The following PDZD4 variants were observed in gnomAD, a reference collection of about 807,000 sequenced individuals.
PDZD4 encodes the protein PDZ domain containing 4.
A neutral mutation model predicts 38.5 loss-of-function variants in PDZD4; 9 were observed. The observed-to-expected ratio is 0.23, with a 90% confidence interval of 0.14 to 0.41. The LOEUF (loss-of-function observed/expected upper bound fraction) is 0.41. Among genes scored for constraint, PDZD4 ranks in the 10% least tolerant of loss-of-function variants. The probability of loss-of-function intolerance (pLI) is 1.00; values close to 1 mark genes in which losing one functional copy is unlikely to be tolerated. For synonymous variants in PDZD4, 349 were observed against 315.7 expected, an observed-to-expected ratio of 1.11 and a Z score of -1.12; for missense variants, 612 against 722.0, an observed-to-expected ratio of 0.85 and a Z score of 1.75.
intron 1 of PDZD4, 70 bp from the exon 2 acceptor site, chrX:153,808,665 G>A (rs1157841448): frequency 2.8e-6 from 3 of 1,063,689 alleles, no homozygotes; most frequent in African/African-American, 3.8e-5. Flanking sequence ...CAAGGCAGAG[G>A]CCCTAGCTGG....
chrX:153,807,928 G>C, intron 2 of PDZD4: 1 of 985,821 alleles, frequency 1.0e-6, no homozygotes, highest in Non-Finnish European at 1.3e-6. Flanking sequence ...TGGATGAAAG[G>C]CCCTTCTTCC....
Position 153,808,492 on chromosome X carries a change from C to T in PDZD4, c.164G>A (p.Arg55His), listed in dbSNP as rs781802189. ...GTGACAGGAGCTGTCCCCCCGGAGG[C>T]GGGGGCTGCGTCTCAGCACCTGGAT... Reference protein sequence around the residue: ...LVIQVLRRSPRLRGDSSCHDL... With the variant: ...LVIQVLRRSPHLRGDSSCHDL... Residue 55 changes from arginine to histidine, a missense_variant, in exon 2 of 8, where the codon CGC (arginine) becomes CAC (histidine). Transcript: ENST00000393758. 1.2e-5 allele frequency: 15 copies of T among 1,209,474 alleles called. No homozygotes were observed. In the South Asian group the frequency reaches 1.6e-4, roughly 13 times the overall value.
At chrX:153,807,689 G>A (rs2064266328) in intron 2 of PDZD4, among the ~76,000 whole-genome samples, 1 of 99,046 alleles carries the variant, frequency 1.0e-5, no homozygotes, top group Admixed American at 1.1e-4. Flanking sequence ...ATCTCCGGGT[G>A]CCCACCCGCC....
Position 153,804,100 on chromosome X carries a change from C to A in PDZD4, c.1581G>T (p.Pro527=), listed in dbSNP as rs781928242. 6 of 1,153,006 alleles carry A rather than the reference C, an allele frequency of 5.2e-6. No homozygotes were observed. The highest frequency in any genetic ancestry group is 6.9e-6 in the Non-Finnish European group (6 of 869,734). ...GGGACCGGAACTTGGCGGGGCTCCC[C>A]GGTGGAGGAGCTGCCTTGGCGGGGG... ...VATPAKAAPP[P]GSPAKFRSLS... is the part of the protein sequence containing the mutation. Residue 527 remains proline, a synonymous_variant, in exon 8 of 8, where the codon CCG becomes CCT. Coordinates refer to ENST00000393758, the MANE Select transcript of PDZD4 (RefSeq NM_001303512.2).
chrX:153,806,907 G>GCAGCA (rs1557077272), intron 3 of PDZD4, 67 bp from the exon 4 acceptor site: 4 of 948,719 alleles, frequency 4.2e-6, no homozygotes, highest in Admixed American at 2.3e-5. Flanking sequence ...GAGGGAGCAG[G>GCAGCA]CAGCACAGCC....
intron 1 of PDZD4, among the ~76,000 whole-genome samples, chrX:153,810,708 T>C (rs946864478): frequency 2.7e-5 from 3 of 112,535 alleles, no homozygotes; most frequent in Non-Finnish European, 5.6e-5. Context: ...CTTGTCTTAG[T>C]GCCCGCGATA....
chrX:153,830,113 G>T, intron 1 of PDZD4, 126 bp downstream of exon 1: 1 of 649,319 alleles, frequency 1.5e-6, no homozygotes, highest in Non-Finnish European at 2.2e-6. Flanking sequence ...GGGAGGGTGC[G>T]GACGGCTCCC....
intron 1 of PDZD4, among the ~76,000 whole-genome samples, chrX:153,820,436 A>AT (rs1190963214): frequency 9.5e-6 from 1 of 105,504 alleles, no homozygotes; most frequent in African/African-American, 3.5e-5. Flanking sequence ...AGGAGAATTG[A>AT]TTGAACCCAG....
At chrX:153,810,409 C>A (rs2064298381) in intron 1 of PDZD4, among the ~76,000 whole-genome samples, 1 of 112,152 alleles carries the variant, frequency 8.9e-6, no homozygotes, top group Admixed American at 9.4e-5. Flanking sequence ...AAGAAAAGAC[C>A]CAGGGAGGCT....
In PDZD4 at chrX:153,807,271, C is replaced by T. The variant is rs367893368; in HGVS notation, c.405+8G>A. On this transcript the variant is annotated splice_region_variant and intron_variant, in intron 3 of 7. Transcript: ENST00000393758. ...GGCTGCGGGCCCTGGCCTGGCCACCCGGCTCACCTCATACTCCAGCTCATC... is the reference window on the plus strand; with the variant it reads ...GGCTGCGGGCCCTGGCCTGGCCACCTGGCTCACCTCATACTCCAGCTCATC... 3.3e-5 allele frequency: 40 copies of T among 1,206,483 alleles called. No individual in the cohort carries two copies. The highest frequency in any genetic ancestry group is 4.1e-5 in the Non-Finnish European group (37 of 893,499).
intron 6 of PDZD4, 66 bp downstream of exon 6, chrX:153,805,439 G>T: frequency 2.2e-6 from 2 of 895,607 alleles, no homozygotes; most frequent in Non-Finnish European, 3.2e-6. Context: ...CCTAGTCACG[G>T]CCAGCAGCTT....
intron 1 of PDZD4, among the ~76,000 whole-genome samples, chrX:153,814,832 C>G (rs1406569672): frequency 9.0e-6 from 1 of 111,675 alleles, no homozygotes; most frequent in African/African-American, 3.3e-5. Flanking sequence ...CGAGGTCACC[C>G]CGTGGCAGTC....
chrX:153,830,091 C>A (rs1474434794), intron 1 of PDZD4, 148 bp downstream of exon 1: 1 of 583,210 alleles, frequency 1.7e-6, no homozygotes, highest in African/African-American at 2.5e-5. Context: ...CAACACCCAA[C>A]AGCCCCAGGA....
chrX:153,806,539 C>T (rs1172826260), intron 4 of PDZD4, among the ~76,000 whole-genome samples: 2 of 112,819 alleles, frequency 1.8e-5, no homozygotes, highest in African/African-American at 6.4e-5. Context: ...GGCCCATCTG[C>T]TGTCCCACCC....
chrX:153,823,064 AATTT>A (rs1297615255), intron 1 of PDZD4, among the ~76,000 whole-genome samples: 2 of 109,303 alleles, frequency 1.8e-5, no homozygotes, highest in African/African-American at 6.7e-5. Context: ...TTATTTAATT[AATTT>A]ATTTATTTGA....
rs782641918 is a variant in PDZD4, at chrX:153,829,829, C to T, written c.60+410G>A. The stretch of plus-strand genomic sequence containing the variant: ...CCAGCCCCCGGACGGACTTGGACCG[C>T]GCCCGGGGACGCCCACGCACTCCCA... On this transcript the variant is annotated intron_variant, in intron 1 of 7. Coordinates refer to ENST00000393758, the MANE Select transcript of PDZD4 (RefSeq NM_001303512.2). 1,127 of 766,928 alleles carry T rather than the reference C, an allele frequency of 1.5e-3. 1 individual carries two copies. The highest frequency in any genetic ancestry group is 2.5e-3 in the South Asian group (39 of 15,611). The allele number at this position is 766,928 out of a possible 1,213,427, so 63.2% of individuals were successfully genotyped here. A position where few individuals can be genotyped will look rare whatever the true frequency, so the allele number is the denominator to read the frequency against.
At position 153,821,316 on chromosome X, in the gene PDZD4, G is replaced by C. The variant is rs1364954744; in HGVS notation, c.60+8923C>G. ...TAGGGGTGCCGGTGACAGGGAAGGG[G>C]GTCAGTTAGCTGCACATGGCAGGGA... On this transcript the variant is annotated intron_variant, in intron 1 of 7. Coordinates refer to ENST00000393758, the MANE Select transcript of PDZD4 (RefSeq NM_001303512.2). Among the ~76,000 whole-genome samples, 3 of 110,911 alleles carry C rather than the reference G, an allele frequency of 2.7e-5. No individual in the cohort carries two copies. The East Asian group carries it at 8.5e-4, about 32-fold the overall frequency.
rs781873391 is a variant in PDZD4, at chrX:153,804,277, C to T, written c.1404G>A (p.Lys468=). The T allele has an allele frequency of 8.5e-5, 103 of 1,207,734 alleles. No individual in the cohort carries two copies. The highest frequency in any genetic ancestry group is 2.6e-4 in the Middle Eastern group (1 of 3,907). The change falls in exon 8 of 8, where the codon AAG becomes AAA. Residue 468 remains lysine (K), a synonymous_variant. Transcript: ENST00000393758. ...AGGCGCTGGTGCTGTCCTTGTCCGA[C>T]TTCTCGGGCAGCTCGGAGATGTCGG... ...ELSDISELPE[K]SDKDSTSAYN...
intron 1 of PDZD4, among the ~76,000 whole-genome samples, chrX:153,828,754 T>C (rs782099328): frequency 4.5e-5 from 5 of 112,100 alleles, no homozygotes; most frequent in Admixed American, 9.4e-5. Context: ...CCCGGAGGAA[T>C]CGCTTGGAGA....
Sources: allele counts gnomAD v4.1 joint callset (sites outside exome capture counted in the v4.1 genomes callset), GRCh38; gene constraint gnomAD v4.1.1; transcripts MANE v1.5; gene names NCBI Gene and HGNC (gene_info 2026-07-23, HGNC 2026-07-21).